Variants in EDEM3 observed in about 807,000 individuals in gnomAD.
The protein encoded by EDEM3 is ER degradation-enhancing alpha-mannosidase-like protein 3.
In EDEM3, 60 loss-of-function variants were observed where a neutral mutation model predicts 110.2. The ratio of observed to expected loss-of-function variants is 0.54; its 90% CI spans 0.44 to 0.67. The LOEUF is 0.67. EDEM3 is among the 30% of genes least tolerant of loss of function. The pLI is 0.00. For synonymous variants in EDEM3, 352 were observed against 382.9 expected, an observed-to-expected ratio of 0.92 and a Z score of 0.94; for missense variants, 996 against 1,121.0, an observed-to-expected ratio of 0.89 and a Z score of 1.59.
chr1:184,704,941 G>T (rs1284022078), intron 18 of EDEM3, among the ~76,000 whole-genome samples: 1 of 151,658 alleles, frequency 6.6e-6, no homozygotes, highest in East Asian at 2.0e-4. Flanking sequence ...GTGGTGGCAG[G>T]CACCTGTAAT....
chr1:184,698,804 C>T (rs1343640745), intron 19 of EDEM3, among the ~76,000 whole-genome samples: 1 of 151,146 alleles, frequency 6.6e-6, no homozygotes, highest in Non-Finnish European at 1.5e-5. Flanking sequence ...GAGAGAGAGA[C>T]AGAGAGAAGA....
chr1:184,726,156 G>T, intron 7 of EDEM3, 99 bp downstream of exon 7: 2 of 1,434,804 alleles, frequency 1.4e-6, no homozygotes, highest in Non-Finnish European at 1.9e-6. Context: ...TAAAATAACA[G>T]TAATTCTCCA....
At chr1:184,731,904 T>C (rs1651542704) in intron 6 of EDEM3, among the ~76,000 whole-genome samples, 1 of 151,926 alleles carries the variant, frequency 6.6e-6, no homozygotes, top group Admixed American at 6.6e-5. Flanking sequence ...CACCTGGGTG[T>C]GGTGGCTCAT....
At chr1:184,754,157 A>G (rs959756886) in intron 1 of EDEM3, among the ~76,000 whole-genome samples, 2 of 152,230 alleles carry the variant, frequency 1.3e-5, no homozygotes, top group Non-Finnish European at 2.9e-5. Context: ...ACAGGCAGCC[A>G]ACCGCAGAAC....
chr1:184,721,749 C>T (rs1054562048), intron 8 of EDEM3, among the ~76,000 whole-genome samples: 3 of 151,444 alleles, frequency 2.0e-5, no homozygotes, highest in Non-Finnish European at 4.4e-5. Flanking sequence ...AATTAAAGAA[C>T]AATAATAATA....
rs762017033 is a variant in EDEM3, at chr1:184,690,326, C to T, written c.*3737G>A. The T allele has an allele frequency of 6.6e-6, 1 of 152,058 alleles. No homozygotes were observed. The highest frequency in any genetic ancestry group is 1.5e-5 in the Non-Finnish European group (1 of 67,952). 9.4% of individuals were successfully genotyped at this position (152,058 alleles called of 1,614,324 possible). Reference sequence around the variant, plus strand: ...AAAAACTTTCAGTGATTTCTTAGAACAAAATCCTTACTTTAGCCCACAAGC... The same window carrying T: ...AAAAACTTTCAGTGATTTCTTAGAATAAAATCCTTACTTTAGCCCACAAGC... On this transcript the variant is annotated 3_prime_UTR_variant, in exon 20 of 20. Transcript: ENST00000318130.
chr1:184,708,741 CAT>C (rs954603922), intron 16 of EDEM3, among the ~76,000 whole-genome samples: 4 of 152,248 alleles, frequency 2.6e-5, no homozygotes, highest in Non-Finnish European at 4.4e-5. Context: ...TGATTCAAAA[CAT>C]ATCTGTGAAG....
chr1:184,703,017 G>T, intron 18 of EDEM3, 21 bp from the exon 19 acceptor site: 1 of 1,553,082 alleles, frequency 6.4e-7, no homozygotes, highest in Non-Finnish European at 8.7e-7. Flanking sequence ...AATAAATACA[G>T]CAAACATCAA....
chr1:184,707,529 T>A (rs962897067), intron 17 of EDEM3, among the ~76,000 whole-genome samples: 1 of 152,136 alleles, frequency 6.6e-6, no homozygotes, highest in Admixed American at 6.5e-5. Flanking sequence ...AAAATATACA[T>A]GAGAAAAAAG....
Position 184,719,502 on chromosome 1 carries a change from G to A in EDEM3, c.1018C>T (p.Pro340Ser). 1 of 1,613,984 alleles carries A rather than the reference G, an allele frequency of 6.2e-7. No homozygotes were observed. The highest frequency in any genetic ancestry group is 8.5e-7 in the Non-Finnish European group (1 of 1,179,980). ...ATCCAAGTCCGAGCATTCAGCATTG[G>A]TTTGTGGATATGCACATCAAGTAGA... The part of the protein sequence containing the change: ...PLLLDVHIHK[P>S]MLNARTWMDA... The change falls in exon 10 of 20, where the codon CCA becomes TCA. Residue 340 changes from proline to serine, a missense_variant. Pro to Ser is a moderately conservative substitution (Grantham distance 74, BLOSUM62 -1). Coordinates refer to ENST00000318130, the MANE Select transcript of EDEM3 (RefSeq NM_025191.4).
intron 13 of EDEM3, among the ~76,000 whole-genome samples, chr1:184,716,424 CAG>C (rs1205075286): frequency 6.6e-6 from 1 of 152,120 alleles, no homozygotes; most frequent in African/African-American, 2.4e-5. Context: ...TCTAATGAAA[CAG>C]AAACTACCAC....
At chr1:184,709,577 T>C (rs917917142) in intron 16 of EDEM3, among the ~76,000 whole-genome samples, 1 of 152,166 alleles carries the variant, frequency 6.6e-6, no homozygotes, top group Non-Finnish European at 1.5e-5. Flanking sequence ...AGTTAAATCA[T>C]ATAAGGATCA....
intron 2 of EDEM3, among the ~76,000 whole-genome samples, chr1:184,748,977 A>G (rs1652598717): frequency 6.6e-6 from 1 of 152,248 alleles, no homozygotes; most frequent in Non-Finnish European, 1.5e-5. Flanking sequence ...TTGCTATTTC[A>G]TCTACGTTGT....
intron 10 of EDEM3, 83 bp downstream of exon 10, chr1:184,719,360 G>T (rs1403302605): frequency 1.3e-6 from 2 of 1,549,700 alleles, no homozygotes; most frequent in Admixed American, 4.1e-5. Flanking sequence ...ACTATGTTTT[G>T]TAGTTCAGTT....
chr1:184,726,454 C>T (rs1651199976), intron 6 of EDEM3, 65 bp from the exon 7 acceptor site: 3 of 1,507,818 alleles, frequency 2.0e-6, no homozygotes, highest in East Asian at 4.6e-5. Context: ...TAAGAAACTA[C>T]TTTTCAATCA....
At chr1:184,696,673 A>G (rs955187793) in intron 19 of EDEM3, among the ~76,000 whole-genome samples, 6 of 151,988 alleles carry the variant, frequency 3.9e-5, no homozygotes, top group African/African-American at 1.4e-4. Flanking sequence ...TAATTAGGCA[A>G]TTAGGGAAAC....
rs1326945529 is a variant in EDEM3, at chr1:184,690,733, G to A, written c.*3330C>T. ...TAAATTACATCATAAGAAAATATAC[G>A]GCTGTAAATTGGGCTTTTAAAAATG... On this transcript the variant is annotated 3_prime_UTR_variant, in exon 20 of 20. Transcript: ENST00000318130. 3 of 152,288 alleles carry A rather than the reference G, an allele frequency of 2.0e-5. No homozygotes were observed. Among genetic ancestry groups the A allele is most frequent in the Non-Finnish European group, 4.4e-5 (3 of 67,948 alleles). The allele number at this position is 152,288 out of a possible 1,614,324, so 9.4% of individuals were successfully genotyped here. A position where few individuals can be genotyped will look rare whatever the true frequency, so the allele number is the denominator to read the frequency against.
intron 19 of EDEM3, among the ~76,000 whole-genome samples, chr1:184,697,787 C>G (rs536216392): frequency 1.3e-5 from 2 of 151,782 alleles, no homozygotes; most frequent in East Asian, 1.9e-4. Context: ...TGAAGTGAGA[C>G]AGAAGACCCA....
chr1:184,753,449 C>T (rs1652889918), intron 1 of EDEM3, among the ~76,000 whole-genome samples: 1 of 151,186 alleles, frequency 6.6e-6, no homozygotes, highest in Admixed American at 6.6e-5. Context: ...CTCTTGTTGC[C>T]CAGGCTGGAT....
Sources: gnomAD v4.1 joint callset for allele counts (sites outside exome capture counted in the v4.1 genomes callset) on GRCh38, gnomAD v4.1.1 for gene constraint, MANE v1.5 for transcripts, NCBI Gene and HGNC (gene_info 2026-07-23, HGNC 2026-07-21) for gene names.